Variants in SH2D4B observed in about 807,000 individuals in gnomAD.
The protein encoded by SH2D4B is SH2 domain-containing protein 4B.
SH2D4B carries 45 observed loss-of-function variants against 61.5 expected under a neutral mutation model. That is an observed-to-expected ratio of 0.73 (90% confidence interval 0.58 to 0.94). The LOEUF is 0.94. Among genes scored for constraint, SH2D4B ranks in the 40% least tolerant of loss-of-function variants. The pLI, the probability that SH2D4B is intolerant of heterozygous loss-of-function variation, is 0.00. For missense variants in SH2D4B, 572 were observed against 574.2 expected, an observed-to-expected ratio of 1.00 and a Z score of 0.04; for synonymous variants, 224 against 220.4, an observed-to-expected ratio of 1.02 and a Z score of -0.14.
intron 1 of SH2D4B, among the ~76,000 whole-genome samples, chr10:80,548,494 T>A (rs984886371): frequency 6.6e-6 from 1 of 152,228 alleles, no homozygotes; most frequent in African/African-American, 2.4e-5. Context: ...GGGCTTGATG[T>A]TATTTTCAAA....
intron 2 of SH2D4B, among the ~76,000 whole-genome samples, chr10:80,570,742 T>C (rs1178006039): frequency 6.6e-6 from 1 of 152,238 alleles, no homozygotes; most frequent in Non-Finnish European, 1.5e-5. Flanking sequence ...TTATATGATA[T>C]GAGAAACCCA....
intron 7 of SH2D4B, among the ~76,000 whole-genome samples, chr10:80,640,021 G>A (rs1840261377): frequency 6.6e-6 from 1 of 152,184 alleles, no homozygotes; most frequent in Non-Finnish European, 1.5e-5. Context: ...TGTGTGTAAA[G>A]TATTTTATTT....
At chr10:80,550,266 T>C (rs1307838937) in intron 1 of SH2D4B, among the ~76,000 whole-genome samples, 1 of 152,184 alleles carries the variant, frequency 6.6e-6, no homozygotes, top group Non-Finnish European at 1.5e-5. Context: ...TGCACCCCTA[T>C]GCATTTCATA....
At chr10:80,594,729 A>G (rs912465069) in intron 4 of SH2D4B, among the ~76,000 whole-genome samples, 1 of 152,186 alleles carries the variant, frequency 6.6e-6, no homozygotes, top group Non-Finnish European at 1.5e-5. Flanking sequence ...TTAATTTCTA[A>G]CAATCTGAGA....
intron 7 of SH2D4B, among the ~76,000 whole-genome samples, chr10:80,641,455 C>T (rs530382957): frequency 3.3e-5 from 5 of 151,944 alleles, no homozygotes; most frequent in South Asian, 4.1e-4. Flanking sequence ...CCACCCAGTT[C>T]GAGCTTCCCC....
intron 1 of SH2D4B, among the ~76,000 whole-genome samples, chr10:80,542,212 A>T (rs935997177): frequency 2.0e-5 from 3 of 151,826 alleles, no homozygotes; most frequent in African/African-American, 7.3e-5. Flanking sequence ...CTCCTTGGCC[A>T]CCACAGGAAT....
chr10:80,613,843 C>G (rs1489499079), intron 6 of SH2D4B, among the ~76,000 whole-genome samples: 1 of 152,224 alleles, frequency 6.6e-6, no homozygotes, highest in Non-Finnish European at 1.5e-5. Flanking sequence ...CAGAGAAGAG[C>G]ACTGAAGGTC....
At chr10:80,554,233 A>C (rs189746216) in intron 1 of SH2D4B, among the ~76,000 whole-genome samples, 79 of 152,296 alleles carry the variant, frequency 5.2e-4, no homozygotes, top group African/African-American at 1.9e-3. Context: ...ATTCTCTGAG[A>C]GGGGCCGTAT....
At position 80,539,285 on chromosome 10, in the gene SH2D4B, G is replaced by A. The variant is rs1841547462; in HGVS notation, c.184+770G>A. Among the ~76,000 whole-genome samples, 2 of 152,368 alleles carry A rather than the reference G, an allele frequency of 1.3e-5. No individual in the cohort carries two copies. The highest frequency in any genetic ancestry group is 1.3e-4 in the Admixed American group (2 of 15,312). On this transcript the variant is annotated intron_variant, in intron 1 of 7. Transcript: ENST00000646907. This position sits in a 1 kb window ranked among gnomAD's most constrained non-coding sequence, Gnocchi z 4.9. ...TGGCACAGGACTCAATCCTGCCAGG[G>A]ATTGTAGTTTCTGTGGATGCTGCAT...
intron 6 of SH2D4B, among the ~76,000 whole-genome samples, chr10:80,626,314 T>C (rs1453488403): frequency 1.3e-5 from 2 of 152,222 alleles, no homozygotes; most frequent in African/African-American, 4.8e-5. Flanking sequence ...TTTTATTCCA[T>C]TGTTCTCTGG....
In SH2D4B at chr10:80,539,301, G is replaced by T. The variant is rs1440408199; in HGVS notation, c.184+786G>T. 1.3e-5 allele frequency among the ~76,000 whole-genome samples: 2 copies of T among 152,230 alleles called. No individual in the cohort carries two copies. The highest frequency in any genetic ancestry group is 4.1e-4 in the South Asian group (2 of 4,834). ...CCTGCCAGGGATTGTAGTTTCTGTGGATGCTGCATGCACTTTACAGTTTGC... is the reference window on the plus strand; with the variant it reads ...CCTGCCAGGGATTGTAGTTTCTGTGTATGCTGCATGCACTTTACAGTTTGC... On this transcript the variant is annotated intron_variant, in intron 1 of 7. Coordinates refer to ENST00000646907, the MANE Select transcript of SH2D4B (RefSeq NM_001388272.1). The surrounding 1 kb of genome is among the most constrained non-coding windows in gnomAD (Gnocchi z 4.9).
chr10:80,559,311 A>G (rs1325295408), intron 1 of SH2D4B, among the ~76,000 whole-genome samples: 1 of 152,196 alleles, frequency 6.6e-6, no homozygotes, highest in Non-Finnish European at 1.5e-5. Context: ...TTCTCATTAT[A>G]AAACATTTGA....
intron 1 of SH2D4B, among the ~76,000 whole-genome samples, chr10:80,552,550 G>C (rs1485802859): frequency 6.6e-6 from 1 of 152,178 alleles, no homozygotes; most frequent in Non-Finnish European, 1.5e-5. Context: ...AGCAGGGGCA[G>C]CTCGTGAGAA....
chr10:80,553,981 G>T (rs1330975317), intron 1 of SH2D4B, among the ~76,000 whole-genome samples: 1 of 152,200 alleles, frequency 6.6e-6, no homozygotes, highest in Non-Finnish European at 1.5e-5. Context: ...AACTGGAGAT[G>T]ATGATAATAA....
At chr10:80,587,199 G>C (rs182061516) in intron 3 of SH2D4B, among the ~76,000 whole-genome samples, 1 of 137,472 alleles carries the variant, frequency 7.3e-6, no homozygotes, top group Admixed American at 8.0e-5. Flanking sequence ...GCAGTGGCGC[G>C]ATCTCGGCTC....
At chr10:80,621,937 G>A (rs532838019) in intron 6 of SH2D4B, among the ~76,000 whole-genome samples, 1 of 152,110 alleles carries the variant, frequency 6.6e-6, no homozygotes, top group Admixed American at 6.6e-5. Flanking sequence ...TGCTCAGGCT[G>A]GTCTCAATCT....
intron 1 of SH2D4B, among the ~76,000 whole-genome samples, chr10:80,551,355 A>G (rs115209327): frequency 0.041 from 6,242 of 152,274 alleles, 402 homozygotes; most frequent in African/African-American, 0.14. Flanking sequence ...CGCCTGGCCA[A>G]CATAACTTGA....
chr10:80,621,441 G>A (rs1842716811), intron 6 of SH2D4B, among the ~76,000 whole-genome samples: 1 of 152,182 alleles, frequency 6.6e-6, no homozygotes, highest in African/African-American at 2.4e-5. Flanking sequence ...ATTTCCTGTT[G>A]ATGACTAAAA....
chr10:80,543,134 C>T (rs1483458950), intron 1 of SH2D4B, among the ~76,000 whole-genome samples: 1 of 152,186 alleles, frequency 6.6e-6, no homozygotes, highest in Non-Finnish European at 1.5e-5. Context: ...GCTCTCGGTG[C>T]CTCCTCTGCC....
Sources: allele counts gnomAD v4.1 joint callset (sites outside exome capture counted in the v4.1 genomes callset), GRCh38; gene constraint gnomAD v4.1.1; non-coding constraint Gnocchi (gnomAD v3.1); transcripts MANE v1.5; gene names NCBI Gene and HGNC (gene_info 2026-07-23, HGNC 2026-07-21).